Variants in EPB41L2 observed in about 807,000 individuals in gnomAD.
The protein encoded by EPB41L2 is erythrocyte membrane protein band 4.1 like 2, also known as band 4.1-like protein 2.
Under a neutral mutation model 113.0 loss-of-function variants are expected in EPB41L2, and 43 were observed. That is an observed-to-expected ratio of 0.38 (90% CI 0.30 to 0.49). The LOEUF (loss-of-function observed/expected upper bound fraction) is 0.49, where lower values mean the gene tolerates loss of function less well. Among genes scored for constraint, EPB41L2 ranks in the 20% least tolerant of loss-of-function variants. EPB41L2 has a pLI of 0.95. For synonymous variants in EPB41L2, 442 were observed against 436.7 expected, an observed-to-expected ratio of 1.01 and a Z score of -0.15; for missense variants, 1,147 against 1,223.4, an observed-to-expected ratio of 0.94 and a Z score of 0.93.
chr6:131,023,582 G>A (rs1373750824), intron 1 of EPB41L2, among the ~76,000 whole-genome samples: 1 of 152,042 alleles, frequency 6.6e-6, no homozygotes, highest in African/African-American at 2.4e-5. Context: ...CTATTCAGGA[G>A]GCTGAGGCAG....
chr6:130,941,094 CT>C (rs1262230607), intron 3 of EPB41L2, among the ~76,000 whole-genome samples: 1 of 152,116 alleles, frequency 6.6e-6, no homozygotes, highest in Non-Finnish European at 1.5e-5. Flanking sequence ...AAAATTATTT[CT>C]GAACACATAG....
At chr6:130,849,096 C>A (rs1038592490) in intron 19 of EPB41L2, among the ~76,000 whole-genome samples, 2 of 152,086 alleles carry the variant, frequency 1.3e-5, no homozygotes, top group African/African-American at 4.8e-5. Flanking sequence ...GAGACTGGGC[C>A]CCAAGGGCCT....
At chr6:130,934,727 C>T (rs561530906) in intron 3 of EPB41L2, among the ~76,000 whole-genome samples, 55 of 152,104 alleles carry the variant, frequency 3.6e-4, no homozygotes, top group Non-Finnish European at 6.6e-4. Context: ...GCAATTCTCC[C>T]ACCTTGGCCT....
intron 4 of EPB41L2, among the ~76,000 whole-genome samples, chr6:130,911,188 T>C (rs953237308): frequency 7.9e-5 from 12 of 152,150 alleles, no homozygotes; most frequent in African/African-American, 2.9e-4. Flanking sequence ...CGAAATACTA[T>C]GCAGCCATAA....
intron 18 of EPB41L2, among the ~76,000 whole-genome samples, chr6:130,860,622 T>C (rs1407774531): frequency 1.3e-5 from 2 of 152,184 alleles, no homozygotes; most frequent in Non-Finnish European, 2.9e-5. Context: ...AAGCTCCGCC[T>C]CCCGGGTTCA....
intron 11 of EPB41L2, among the ~76,000 whole-genome samples, chr6:130,889,198 CA>C (rs1792001040): frequency 6.6e-6 from 1 of 151,334 alleles, no homozygotes; most frequent in South Asian, 2.1e-4. Context: ...TTCAATCAAC[CA>C]AAAATGTTGG....
intron 1 of EPB41L2, among the ~76,000 whole-genome samples, chr6:130,990,827 A>AT (rs201343428): frequency 0.24 from 33,237 of 136,774 alleles, 4,916 homozygotes; most frequent in East Asian, 0.46. Flanking sequence ...TATACAGGTA[A>AT]TTTTTTTTTT....
intron 6 of EPB41L2, among the ~76,000 whole-genome samples, chr6:130,903,676 T>TAAAAAAA (rs66501536): frequency 6.7e-6 from 1 of 149,448 alleles, no homozygotes. Flanking sequence ...AATCATCCTT[T>TAAAAAAA]AAAAAAAAAA....
chr6:130,923,458 A>T (rs1049118798), intron 4 of EPB41L2, among the ~76,000 whole-genome samples: 3 of 152,056 alleles, frequency 2.0e-5, no homozygotes, highest in Admixed American at 2.0e-4. Flanking sequence ...CCCTAGCCTA[A>T]TCTCATTCTC....
At chr6:130,996,202 C>A (rs1783060453) in intron 1 of EPB41L2, among the ~76,000 whole-genome samples, 1 of 152,116 alleles carries the variant, frequency 6.6e-6, no homozygotes, top group African/African-American at 2.4e-5. Context: ...TGTCCTATAC[C>A]AATTGTGTAT....
At chr6:131,010,498 T>C (rs4897481) in intron 1 of EPB41L2, among the ~76,000 whole-genome samples, 120,845 of 151,428 alleles carry the variant, frequency 0.8, 48,597 homozygotes, top group African/African-American at 0.88. Flanking sequence ...CTGCAACCTC[T>C]GCCTCCTGGG....
intron 1 of EPB41L2, among the ~76,000 whole-genome samples, chr6:131,031,748 A>AATAT (rs1299387523): frequency 1.3e-5 from 2 of 152,210 alleles, no homozygotes; most frequent in Non-Finnish European, 2.9e-5. Context: ...AAGCTCTGAT[A>AATAT]ATATATGTTT....
chr6:130,854,014 AATGACTT>A (rs768499705), intron 19 of EPB41L2, among the ~76,000 whole-genome samples: 1 of 152,154 alleles, frequency 6.6e-6, no homozygotes, highest in Non-Finnish European at 1.5e-5. Context: ...GAGATGCCAA[AATGACTT>A]TGAGACACTG....
intron 12 of EPB41L2, among the ~76,000 whole-genome samples, chr6:130,884,556 T>A (rs1245161835): frequency 6.6e-6 from 1 of 152,196 alleles, no homozygotes; most frequent in Non-Finnish European, 1.5e-5. Context: ...GAGAACACAA[T>A]ATGGGTTACT....
chr6:130,936,584 A>T (rs903128404), intron 3 of EPB41L2, among the ~76,000 whole-genome samples: 34 of 151,688 alleles, frequency 2.2e-4, no homozygotes, highest in Non-Finnish European at 4.0e-4. Flanking sequence ...TCTAAGCCAA[A>T]TAGTGATAAA....
At chr6:131,034,529 G>A (rs1190563755) in intron 1 of EPB41L2, among the ~76,000 whole-genome samples, 1 of 152,056 alleles carries the variant, frequency 6.6e-6, no homozygotes, top group Non-Finnish European at 1.5e-5. Flanking sequence ...GAGACCCTGT[G>A]TCAAAAAAAG....
At chr6:130,968,924 A>G (rs1776041702) in intron 1 of EPB41L2, among the ~76,000 whole-genome samples, 1 of 152,138 alleles carries the variant, frequency 6.6e-6, no homozygotes, top group South Asian at 2.1e-4. Context: ...TTTGGTAGAG[A>G]ATCATGCTGG....
intron 1 of EPB41L2, among the ~76,000 whole-genome samples, chr6:130,995,229 G>A (rs552094561): frequency 2.0e-5 from 3 of 152,168 alleles, no homozygotes; most frequent in Admixed American, 2.0e-4. Context: ...CCAGCTACTC[G>A]GGAGGCTGAG....
At chr6:130,888,328 G>A (rs1161717946) in intron 11 of EPB41L2, among the ~76,000 whole-genome samples, 2 of 152,106 alleles carry the variant, frequency 1.3e-5, no homozygotes, top group African/African-American at 2.4e-5. Context: ...TTACCCATCT[G>A]ATGAATTACG....
Sources: gnomAD v4.1 joint callset for allele counts (sites outside exome capture counted in the v4.1 genomes callset) on GRCh38, gnomAD v4.1.1 for gene constraint, MANE v1.5 for transcripts, NCBI Gene and HGNC (gene_info 2026-07-23, HGNC 2026-07-21) for gene names.